NEBL: variants seen among roughly 807,000 people sequenced by gnomAD.
The protein encoded by NEBL is nebulette, also known as LIM and SH3 protein 2.
In NEBL, 122 loss-of-function variants were observed where a neutral mutation model predicts 140.2. That is an observed-to-expected ratio of 0.87 (90% CI 0.75 to 1.01). The LOEUF (loss-of-function observed/expected upper bound fraction) is 1.01, where lower values mean the gene tolerates loss of function less well. Ranked by LOEUF, NEBL falls within the 50% of genes least tolerant of loss-of-function variation. The pLI is 0.00. For synonymous variants in NEBL, 436 were observed against 398.9 expected (o/e 1.09, Z -1.11); for missense variants, 1,365 against 1,231.3 (o/e 1.11, Z -1.62).
chr10:21,254,821 G>A (rs1192845806), intron 1 of NEBL, among the ~76,000 whole-genome samples: 1 of 152,016 alleles, frequency 6.6e-6, no homozygotes, highest in Non-Finnish European at 1.5e-5. Context: ...CACATACCCT[G>A]CCCATGACTG....
intron 3 of NEBL, among the ~76,000 whole-genome samples, chr10:20,998,988 G>A (rs113653793): frequency 2.0e-5 from 3 of 152,182 alleles, no homozygotes; most frequent in South Asian, 2.1e-4. Context: ...TGGGTGTTCA[G>A]GGTTAGGCAA....
At chr10:20,898,824 C>T (rs947050909), upstream of NEBL, among the ~76,000 whole-genome samples, 1 of 152,066 alleles carries the variant, frequency 6.6e-6, no homozygotes, top group Non-Finnish European at 1.5e-5. Context: ...TAATCATACC[C>T]ACTACCCCAG....
chr10:20,911,978 G>A (rs1036020249), intron 4 of NEBL, among the ~76,000 whole-genome samples: 3 of 152,088 alleles, frequency 2.0e-5, no homozygotes, highest in Non-Finnish European at 4.4e-5. Context: ...ATAAGTTTTC[G>A]TGTCATCGCA....
At chr10:20,842,355 A>G (rs1281656161) in intron 12 of NEBL, among the ~76,000 whole-genome samples, 2 of 152,094 alleles carry the variant, frequency 1.3e-5, no homozygotes, top group Non-Finnish European at 2.9e-5. Flanking sequence ...GAAAATAAAA[A>G]TACTTGTTCT....
intron 3 of NEBL, among the ~76,000 whole-genome samples, chr10:21,203,623 A>G (rs1213174157): frequency 6.6e-6 from 1 of 152,210 alleles, no homozygotes; most frequent in Non-Finnish European, 1.5e-5. Context: ...GCAGTATTTT[A>G]TATGTTAACA....
chr10:21,155,246 C>T (rs1458114913), intron 2 of NEBL, among the ~76,000 whole-genome samples: 5 of 152,164 alleles, frequency 3.3e-5, no homozygotes, highest in Non-Finnish European at 7.3e-5. Flanking sequence ...AATGGGGTAT[C>T]CATCCCCTCA....
chr10:20,829,499 G>A (rs1419178226), intron 16 of NEBL, among the ~76,000 whole-genome samples: 1 of 151,808 alleles, frequency 6.6e-6, no homozygotes, highest in Non-Finnish European at 1.5e-5. Context: ...TGACGAGTTA[G>A]TGGGTGCAGC....
At chr10:21,183,866 T>C (rs187121061) in intron 3 of NEBL, among the ~76,000 whole-genome samples, 158 of 152,284 alleles carry the variant, frequency 1.0e-3, no homozygotes, top group African/African-American at 3.8e-3. Context: ...GTCTTTCCCA[T>C]GCTATTCTCG....
chr10:20,868,690 C>A lies in NEBL; in HGVS notation c.658G>T (p.Val220Leu), dbSNP rs571563897. ...VIGRPDFEHAVEASKLSSQIK... is the reference protein window; with the variant it reads ...VIGRPDFEHALEASKLSSQIK... ...TGACTAGAAAGTTTAGAAGCTTCCACGGCATGTTCAAAATCTGGTCTTCCA... is the reference window on the plus strand; with the variant it reads ...TGACTAGAAAGTTTAGAAGCTTCCAAGGCATGTTCAAAATCTGGTCTTCCA... The change falls in exon 7 of 28, where the codon GTG becomes TTG. Residue 220 changes from valine (V) to leucine (L), a missense_variant. Transcript: ENST00000377122. 8 of 1,611,388 alleles carry A rather than the reference C, an allele frequency of 5.0e-6. No individual in the cohort carries two copies. The East Asian group carries it at 1.8e-4, about 36-fold the overall frequency.
At chr10:21,003,645 G>A (rs1464981383) in intron 3 of NEBL, among the ~76,000 whole-genome samples, 2 of 152,016 alleles carry the variant, frequency 1.3e-5, no homozygotes, top group Admixed American at 1.3e-4. Context: ...TTCTTGAATC[G>A]ACTTCGGTTG....
chr10:21,171,830 G>A (rs1244722928), intron 2 of NEBL: 2 of 167,428 alleles, frequency 1.2e-5, no homozygotes, highest in Admixed American at 1.1e-4. Context: ...ACTTCAGTCG[G>A]TCTACTACAA....
chr10:21,246,738 CAGG>C lies in NEBL; in HGVS notation n.348+1180_348+1182del, dbSNP rs573228867. On this transcript the variant is annotated intron_variant and non_coding_transcript_variant, in intron 3 of 8. Coordinates refer to the NEBL transcript ENST00000675702. ...AGTTCCAGCTGCTCTGGAGGCTGAG[CAGG>C]AGGATTGCTTGAGCCCAGGAGTTTT... is the stretch of plus-strand genomic sequence containing the variant. Among the ~76,000 whole-genome samples, 45 of 152,128 alleles carry C rather than the reference CAGG, an allele frequency of 3.0e-4. 1 individual carries two copies. The East Asian group carries it at 7.0e-3, about 24-fold the overall frequency.
chr10:21,023,995 T>G (rs1477060953), intron 2 of NEBL, among the ~76,000 whole-genome samples: 5 of 151,662 alleles, frequency 3.3e-5, no homozygotes, highest in Non-Finnish European at 7.4e-5. Context: ...AATATATGCA[T>G]ATAAATAAAA....
chr10:21,070,862 C>T (rs1389416259), intron 2 of NEBL, among the ~76,000 whole-genome samples: 1 of 152,140 alleles, frequency 6.6e-6, no homozygotes, highest in Non-Finnish European at 1.5e-5. Flanking sequence ...TTATTGTACA[C>T]ATGAACAAAT....
intron 2 of NEBL, among the ~76,000 whole-genome samples, chr10:21,103,512 C>T (rs1837573081): frequency 1.3e-5 from 2 of 152,146 alleles, no homozygotes; most frequent in Admixed American, 1.3e-4. Context: ...CGCACCAGGC[C>T]TTTTTCAACT....
intron 1 of NEBL, among the ~76,000 whole-genome samples, chr10:21,279,134 C>G (rs114044163): frequency 0.014 from 2,081 of 152,230 alleles, 47 homozygotes; most frequent in African/African-American, 0.048. Flanking sequence ...GTTGCATAGC[C>G]TCAACTCTGA....
In NEBL at chr10:21,123,506, G is replaced by A. The variant is rs1004383232; in HGVS notation, c.164+48877C>T. On this transcript the variant is annotated intron_variant, in intron 2 of 6. Transcript: ENST00000417816. ...AAGTCTTTTATGTCACGAGAGCCCT[G>A]AGCTCAAGTCGTCCTGACCTTCCAT... Among the ~76,000 whole-genome samples, 23 of 152,192 alleles carry A rather than the reference G, an allele frequency of 1.5e-4. 1 individual carries two copies. The highest frequency in any genetic ancestry group is 1.2e-3 in the Admixed American group (18 of 15,274).
intron 4 of NEBL, among the ~76,000 whole-genome samples, chr10:20,907,570 C>T (rs1259159907): frequency 1.3e-5 from 2 of 152,084 alleles, no homozygotes; most frequent in Non-Finnish European, 2.9e-5. Context: ...GCAAACCATT[C>T]GTTCATCACA....
chr10:21,157,453 C>T (rs1039343055), intron 2 of NEBL, among the ~76,000 whole-genome samples: 1 of 152,086 alleles, frequency 6.6e-6, no homozygotes, highest in East Asian at 1.9e-4. Flanking sequence ...GCCTGAAAGT[C>T]CCAGCTACTC....
Sources: gnomAD v4.1 joint callset for allele counts (sites outside exome capture counted in the v4.1 genomes callset) on GRCh38, gnomAD v4.1.1 for gene constraint, MANE v1.5 for transcripts, NCBI Gene and HGNC (gene_info 2026-07-23, HGNC 2026-07-21) for gene names.